Variants in LRP1B observed in about 807,000 individuals in gnomAD.
LRP1B encodes low-density lipoprotein receptor-related protein 1B.
Under a neutral mutation model 556.6 loss-of-function variants are expected in LRP1B, and 217 were observed. The ratio of observed to expected loss-of-function variants is 0.39; its 90% CI spans 0.35 to 0.44. The LOEUF (loss-of-function observed/expected upper bound fraction) is 0.44. Ranked by LOEUF, LRP1B falls within the 20% of genes least tolerant of loss-of-function variation. LRP1B has a pLI of 1.00. For missense variants in LRP1B, 5,053 were observed against 5,620.8 expected (o/e 0.90, Z 3.23); for synonymous variants, 2,047 against 1,865.8 (o/e 1.10, Z -2.50).
chr2:140,722,968 G>A (rs563074538), intron 35 of LRP1B, among the ~76,000 whole-genome samples: 10 of 152,124 alleles, frequency 6.6e-5, no homozygotes, highest in South Asian at 6.2e-4. Context: ...GTGTAAACCC[G>A]GGAGGCAGTG....
chr2:141,034,584 C>T (rs1698474486), intron 11 of LRP1B, among the ~76,000 whole-genome samples: 1 of 152,038 alleles, frequency 6.6e-6, no homozygotes, highest in African/African-American at 2.4e-5. Context: ...GACATTTATG[C>T]AGCCAAAAAA....
intron 3 of LRP1B, among the ~76,000 whole-genome samples, chr2:141,285,676 A>G (rs1685688016): frequency 6.9e-6 from 1 of 144,066 alleles, no homozygotes; most frequent in African/African-American, 2.5e-5. Flanking sequence ...GGCTGGTTTC[A>G]ATCCCCTTAC....
At chr2:141,635,276 T>A (rs1689073579) in intron 2 of LRP1B, among the ~76,000 whole-genome samples, 1 of 152,152 alleles carries the variant, frequency 6.6e-6, no homozygotes, top group African/African-American at 2.4e-5. Flanking sequence ...GAGAAAACCA[T>A]ATTCTTCCAA....
At chr2:140,999,175 C>G (rs182186100) in intron 15 of LRP1B, among the ~76,000 whole-genome samples, 1 of 151,978 alleles carries the variant, frequency 6.6e-6, no homozygotes, top group Admixed American at 6.6e-5. Context: ...AAATGAGTTA[C>G]TATATTATTC....
At chr2:141,187,661 A>G (rs1681317221) in intron 7 of LRP1B, among the ~76,000 whole-genome samples, 1 of 152,046 alleles carries the variant, frequency 6.6e-6, no homozygotes, top group Admixed American at 6.6e-5. Flanking sequence ...ATATTTGTAA[A>G]ATAAAAGCAT....
chr2:140,461,127 GT>G (rs1217609174), intron 60 of LRP1B, among the ~76,000 whole-genome samples: 1 of 151,640 alleles, frequency 6.6e-6, no homozygotes, highest in East Asian at 1.9e-4. Context: ...CCAGAACATG[GT>G]TTTGGCTTAA....
chr2:141,197,134 C>T (rs762335837), intron 6 of LRP1B, among the ~76,000 whole-genome samples: 1 of 152,142 alleles, frequency 6.6e-6, no homozygotes, highest in African/African-American at 2.4e-5. Flanking sequence ...TATAAATTAT[C>T]CAGTCTCAGG....
chr2:140,691,554 T>C (rs1031260615), intron 41 of LRP1B, among the ~76,000 whole-genome samples: 3 of 151,476 alleles, frequency 2.0e-5, no homozygotes, highest in Non-Finnish European at 2.9e-5. Flanking sequence ...AAAAATATTA[T>C]AAAGCTATTA....
At chr2:141,504,736 G>T (rs561512892) in intron 2 of LRP1B, among the ~76,000 whole-genome samples, 5 of 152,124 alleles carry the variant, frequency 3.3e-5, no homozygotes, top group Admixed American at 3.3e-4. Flanking sequence ...TTAAACCTGT[G>T]TAAGGGCTAG....
chr2:141,580,540 G>A (rs1428062023), intron 2 of LRP1B, among the ~76,000 whole-genome samples: 1 of 151,822 alleles, frequency 6.6e-6, no homozygotes, highest in Admixed American at 6.6e-5. Flanking sequence ...CCAAATATGT[G>A]AGGACAAACC....
At chr2:141,262,976 TG>T (rs1684754700) in intron 3 of LRP1B, among the ~76,000 whole-genome samples, 1 of 151,886 alleles carries the variant, frequency 6.6e-6, no homozygotes, top group African/African-American at 2.4e-5. Flanking sequence ...ATTTATAGAT[TG>T]GGGGATATTG....
At chr2:141,544,698 C>T (rs1357723887) in intron 2 of LRP1B, among the ~76,000 whole-genome samples, 1 of 151,902 alleles carries the variant, frequency 6.6e-6, no homozygotes, top group Non-Finnish European at 1.5e-5. Context: ...CAGGGTCTCA[C>T]GTTGTCACTG....
intron 18 of LRP1B, among the ~76,000 whole-genome samples, chr2:140,979,845 G>T (rs1053157065): frequency 6.6e-6 from 1 of 151,990 alleles, no homozygotes; most frequent in Non-Finnish European, 1.5e-5. Flanking sequence ...TCTCAAGCAG[G>T]TTTCTAAAAG....
chr2:140,864,651 T>C (rs1692895466), intron 27 of LRP1B, among the ~76,000 whole-genome samples: 1 of 152,064 alleles, frequency 6.6e-6, no homozygotes, highest in Non-Finnish European at 1.5e-5. Flanking sequence ...TGAGTGTTAT[T>C]GTTGCTATTA....
At chr2:141,983,287 G>A (rs548338545) in intron 1 of LRP1B, among the ~76,000 whole-genome samples, 5 of 152,078 alleles carry the variant, frequency 3.3e-5, no homozygotes, top group South Asian at 2.1e-4. Flanking sequence ...ATTGGTCCCC[G>A]CTACAGACTC....
chr2:142,082,858 T>C (rs527791904), intron 1 of LRP1B, among the ~76,000 whole-genome samples: 2 of 152,348 alleles, frequency 1.3e-5, no homozygotes, highest in East Asian at 3.9e-4. Flanking sequence ...GAAGACACTA[T>C]TCCATCTTTT....
chr2:141,102,102 A>G (rs1193025627), intron 7 of LRP1B, among the ~76,000 whole-genome samples: 2 of 152,154 alleles, frequency 1.3e-5, no homozygotes, highest in Non-Finnish European at 2.9e-5. Context: ...GAAATGCCAA[A>G]GTTTATGGTT....
At chr2:140,740,391 T>C (rs926486092) in intron 35 of LRP1B, among the ~76,000 whole-genome samples, 1 of 152,192 alleles carries the variant, frequency 6.6e-6, no homozygotes, top group Non-Finnish European at 1.5e-5. Flanking sequence ...GAGACTATTA[T>C]TCTAAGTGAA....
chr2:141,202,808 G>A (rs547438607), intron 6 of LRP1B, among the ~76,000 whole-genome samples: 24 of 151,842 alleles, frequency 1.6e-4, no homozygotes, highest in Admixed American at 5.9e-4. Context: ...TATTACATAG[G>A]TATACATGTT....
Sources: allele counts gnomAD v4.1 joint callset (sites outside exome capture counted in the v4.1 genomes callset), GRCh38; gene constraint gnomAD v4.1.1; transcripts MANE v1.5; gene names NCBI Gene and HGNC (gene_info 2026-07-23, HGNC 2026-07-21).